Variants in HSPA12A observed in about 807,000 individuals in gnomAD.
HSPA12A encodes the protein heat shock 70 kDa protein 12A.
HSPA12A carries 28 observed loss-of-function variants against 69.2 expected under a neutral mutation model. The observed-to-expected ratio is 0.40, with a 90% CI of 0.30 to 0.55. The LOEUF (loss-of-function observed/expected upper bound fraction) is 0.55, where lower values mean the gene tolerates loss of function less well. Ranked by LOEUF, HSPA12A falls within the 20% of genes least tolerant of loss-of-function variation. The probability of loss-of-function intolerance (pLI) is 0.38; values close to 1 mark genes in which losing one functional copy is unlikely to be tolerated. For synonymous variants in HSPA12A, 345 were observed against 370.5 expected (o/e 0.93, Z 0.79); for missense variants, 686 against 900.7 (o/e 0.76, Z 3.05).
chr10:116,735,650 A>C (rs1554886381), intron 1 of HSPA12A, among the ~76,000 whole-genome samples: 1 of 152,154 alleles, frequency 6.6e-6, no homozygotes, highest in Non-Finnish European at 1.5e-5. Flanking sequence ...CACAGGGAAG[A>C]CCACCAAAAC....
chr10:116,758,689 A>G (rs1843903054), intron 2 of HSPA12A, among the ~76,000 whole-genome samples: 1 of 152,154 alleles, frequency 6.6e-6, no homozygotes, highest in Admixed American at 6.5e-5. Flanking sequence ...AGGAAGTGAG[A>G]TAAAAAGAAA....
chr10:116,821,936 G>A (rs191568986), intron 2 of HSPA12A, among the ~76,000 whole-genome samples: 1 of 152,340 alleles, frequency 6.6e-6, no homozygotes, highest in Admixed American at 6.5e-5. Flanking sequence ...ATGTAATCCA[G>A]ATAATCCAGG....
At chr10:116,731,521 G>T (rs1385408462) in intron 1 of HSPA12A, among the ~76,000 whole-genome samples, 1 of 152,206 alleles carries the variant, frequency 6.6e-6, no homozygotes, top group Non-Finnish European at 1.5e-5. Context: ...GTGCATTATT[G>T]TCATGCAAGG....
At chr10:116,845,134 C>T (rs1046021887) in intron 1 of HSPA12A, among the ~76,000 whole-genome samples, 1 of 152,146 alleles carries the variant, frequency 6.6e-6, no homozygotes, top group Non-Finnish European at 1.5e-5. Flanking sequence ...CCAAAGACAC[C>T]AAATACTCCC....
At position 116,674,799 on chromosome 10, in the gene HSPA12A, G is replaced by A. The variant is rs782221975; in HGVS notation, c.2010C>T (p.Ile670=). 11 of 1,606,172 alleles carry A rather than the reference G, an allele frequency of 6.8e-6. No homozygotes were observed. Among genetic ancestry groups the A allele is most frequent in the African/African-American group, 5.4e-5 (4 of 74,744 alleles). ...GGGAGGGTTAGTAATTTAAGAAGTC[G>A]ATCCCAACTTTGACACTCTTCGAAG... is the stretch of plus-strand genomic sequence containing the variant. ...IATSKSVKVG[I]DFLNY Residue 670 remains isoleucine (I), a synonymous_variant, in exon 12 of 12, where the codon ATC becomes ATT. Transcript: ENST00000369209.
At chr10:116,785,349 G>A (rs1189945824) in intron 2 of HSPA12A, among the ~76,000 whole-genome samples, 5 of 152,120 alleles carry the variant, frequency 3.3e-5, no homozygotes, top group Non-Finnish European at 5.9e-5. Flanking sequence ...AAGGAGGAAC[G>A]GCCCCGACCC....
At chr10:116,785,383 C>A (rs1054150357) in intron 2 of HSPA12A, among the ~76,000 whole-genome samples, 4 of 152,096 alleles carry the variant, frequency 2.6e-5, no homozygotes, top group African/African-American at 9.7e-5. Context: ...GACATGGCAG[C>A]CCGGGGACAG....
rs375366650 is a variant in HSPA12A, at chr10:116,785,901, C to T, written c.91+49034G>A. ...CCCCCCCTCCCCTCACCTTAGACTG[C>T]AGGCCCACCCCATGGCCTACTCAGA... On this transcript the variant is annotated intron_variant, in intron 2 of 12. Coordinates refer to the HSPA12A transcript ENST00000635765. Among the ~76,000 whole-genome samples the T allele has an allele frequency of 1.4e-4, 22 of 152,210 alleles. 2 individuals carry two copies. The highest frequency in any genetic ancestry group is 1.3e-3 in the Admixed American group (20 of 15,296).
intron 2 of HSPA12A, among the ~76,000 whole-genome samples, chr10:116,801,132 A>G (rs1564824056): frequency 6.6e-6 from 1 of 152,204 alleles, no homozygotes; most frequent in Non-Finnish European, 1.5e-5. Flanking sequence ...ATTGATTTCA[A>G]CACATCCTAT....
intron 2 of HSPA12A, among the ~76,000 whole-genome samples, chr10:116,777,813 C>T (rs533790711): frequency 2.0e-5 from 3 of 152,306 alleles, no homozygotes; most frequent in East Asian, 1.9e-4. Context: ...CTGCAATCTC[C>T]ACCTCCTGGG....
At chr10:116,775,175 C>T (rs1356248317) in intron 2 of HSPA12A, among the ~76,000 whole-genome samples, 5 of 152,234 alleles carry the variant, frequency 3.3e-5, no homozygotes, top group African/African-American at 7.2e-5. Flanking sequence ...GTACTAAGAA[C>T]GTGCGAGTTC....
intron 6 of HSPA12A, among the ~76,000 whole-genome samples, chr10:116,689,082 G>A (rs530196657): frequency 4.6e-4 from 70 of 152,202 alleles, no homozygotes; most frequent in African/African-American, 1.6e-3. Flanking sequence ...CTGCATCTGT[G>A]CACCCTCTCT....
upstream of HSPA12A, among the ~76,000 whole-genome samples, chr10:116,746,405 A>C (rs1235314739): frequency 1.3e-5 from 2 of 152,190 alleles, no homozygotes; most frequent in African/African-American, 4.8e-5. Context: ...ATAATTGTTG[A>C]TGGACCAGAT....
upstream of HSPA12A, among the ~76,000 whole-genome samples, chr10:116,746,267 G>A (rs1275556631): frequency 2.0e-5 from 3 of 152,054 alleles, no homozygotes; most frequent in Non-Finnish European, 4.4e-5. Flanking sequence ...CCAGCTAACT[G>A]CACCAGACAG....
intron 2 of HSPA12A, among the ~76,000 whole-genome samples, chr10:116,756,137 T>C (rs1554888753): frequency 6.6e-6 from 1 of 152,206 alleles, no homozygotes; most frequent in African/African-American, 2.4e-5. Context: ...AGGGAGGCTT[T>C]GCCATTTCCA....
intron 2 of HSPA12A, among the ~76,000 whole-genome samples, chr10:116,776,651 T>C (rs1222168275): frequency 6.6e-6 from 1 of 152,196 alleles, no homozygotes; most frequent in Non-Finnish European, 1.5e-5. Context: ...CCTGAAGTAC[T>C]CAAGCCATTG....
At chr10:116,783,398 C>T (rs1160886735) in intron 2 of HSPA12A, among the ~76,000 whole-genome samples, 1 of 152,158 alleles carries the variant, frequency 6.6e-6, no homozygotes, top group East Asian at 1.9e-4. Context: ...AGGGACAGAG[C>T]CTGACTCATG....
At position 116,692,331 on chromosome 10, in the gene HSPA12A, C is replaced by T. The variant is rs11197796; in HGVS notation, c.663+20G>A. The T allele has an allele frequency of 2.4e-3, 3,778 of 1,597,188 alleles. 11 individuals are homozygous for T. The highest frequency in any genetic ancestry group is 3.0e-3 in the Non-Finnish European group (3,468 of 1,164,946). On this transcript the variant is annotated intron_variant, in intron 6 of 11. Coordinates refer to ENST00000369209, the MANE Select transcript of HSPA12A (RefSeq NM_025015.3). ...GAGTCCTTCTCCTCCGGCTTCCACCCGCCCTGACTCTACCCTCACCTGGTA... is the reference window on the plus strand; with the variant it reads ...GAGTCCTTCTCCTCCGGCTTCCACCTGCCCTGACTCTACCCTCACCTGGTA...
chr10:116,846,627 C>T (rs1165957605), intron 1 of HSPA12A, among the ~76,000 whole-genome samples: 1 of 152,104 alleles, frequency 6.6e-6, no homozygotes, highest in Non-Finnish European at 1.5e-5. Context: ...GGATTACAGG[C>T]GTGAGCCACC....
Sources: allele counts gnomAD v4.1 joint callset (sites outside exome capture counted in the v4.1 genomes callset), GRCh38; gene constraint gnomAD v4.1.1; transcripts MANE v1.5; gene names NCBI Gene and HGNC (gene_info 2026-07-23, HGNC 2026-07-21).